MYH11: variants seen among roughly 807,000 people sequenced by gnomAD.
MYH11 encodes myosin-11.
In MYH11, 80 loss-of-function variants were observed where a neutral mutation model predicts 246.6. The ratio of observed to expected loss-of-function variants is 0.32; its 90% CI spans 0.27 to 0.39. MYH11 has a LOEUF of 0.39. MYH11 is among the 10% of genes least tolerant of loss of function. MYH11 has a pLI of 1.00. For synonymous variants in MYH11, 1,071 were observed against 1,015.5 expected (o/e 1.05, Z -1.04); for missense variants, 2,158 against 2,546.8 (o/e 0.85, Z 3.29).
chr16:15,800,253 T>G (rs2042848934), intron 3 of MYH11, among the ~76,000 whole-genome samples: 1 of 151,014 alleles, frequency 6.6e-6, no homozygotes, highest in African/African-American at 2.4e-5. Context: ...GATGGATAGG[T>G]AAATGGACGG....
chr16:15,836,064 A>C (rs1811818940), intron 2 of MYH11, among the ~76,000 whole-genome samples: 1 of 152,074 alleles, frequency 6.6e-6, no homozygotes, highest in Non-Finnish European at 1.5e-5. Flanking sequence ...AGAGGCTGGC[A>C]CTATTCTTGC....
rs188703989 is a variant in MYH11 at position 15,754,765 on chromosome 16, G to A, written c.1750-1257C>T. 9.2e-5 allele frequency among the ~76,000 whole-genome samples: 14 copies of A among 152,342 alleles called. No homozygotes were observed. The East Asian group carries it at 2.7e-3, about 29-fold the overall frequency. On this transcript the variant is annotated intron_variant, in intron 14 of 40. Coordinates refer to ENST00000300036, the MANE Select transcript of MYH11 (RefSeq NM_002474.3). Reference sequence around the variant, plus strand: ...TGCAACCTCCAACTTCCTGGGTCAAGCAGTTCTCTTGCCTCAGCCTCCTGA... The same window carrying A: ...TGCAACCTCCAACTTCCTGGGTCAAACAGTTCTCTTGCCTCAGCCTCCTGA...
In MYH11 at chr16:15,705,518, G is replaced by A. The variant is rs114610715; in HGVS notation, c.5787-1395C>T. Among the ~76,000 whole-genome samples, 463 of 152,262 alleles carry A rather than the reference G, an allele frequency of 3.0e-3. 1 individual carries two copies. Among genetic ancestry groups the A allele is most frequent in the African/African-American group, 0.011 (449 of 41,546 alleles). On this transcript the variant is annotated intron_variant, in intron 40 of 40. Coordinates refer to ENST00000300036, the MANE Select transcript of MYH11 (RefSeq NM_002474.3). ...AAACACTTAACTCTTTTCAGCAACC[G>A]CAACAAATAATTATGTTGGGCTCTG...
chr16:15,728,697 T>A (rs1426547816), intron 27 of MYH11, among the ~76,000 whole-genome samples: 5 of 151,758 alleles, frequency 3.3e-5, no homozygotes, highest in Non-Finnish European at 7.4e-5. Context: ...GTCAGGAGTT[T>A]GAGACCAGCC....
chr16:15,752,992 T>A (rs553784218), intron 15 of MYH11, among the ~76,000 whole-genome samples: 10 of 152,140 alleles, frequency 6.6e-5, no homozygotes, highest in Non-Finnish European at 1.2e-4. Flanking sequence ...TATTATTGCA[T>A]CTCCTGTTTT....
rs138407222 is a variant in MYH11, at chr16:15,838,091, C to T, written c.162G>A (p.Lys54=). The T allele has an allele frequency of 6.2e-7, 1 of 1,614,112 alleles. No homozygotes were observed. Among genetic ancestry groups the T allele is most frequent in the Non-Finnish European group, 8.5e-7 (1 of 1,180,016 alleles). ...GFEAASIKEE[K]GDEVVVELVE... Reference sequence around the variant, plus strand: ...CCAGCTCCACAACCACCTCATCCCCCTTCTCCTCCTTAATGCTGGCTGCCT... The same window carrying T: ...CCAGCTCCACAACCACCTCATCCCCTTTCTCCTCCTTAATGCTGGCTGCCT... Residue 54 remains lysine (K), a synonymous_variant, in exon 2 of 41, where the codon AAG becomes AAA. Coordinates refer to ENST00000300036, the MANE Select transcript of MYH11 (RefSeq NM_002474.3).
chr16:15,827,295 T>C (rs980237654), intron 2 of MYH11, among the ~76,000 whole-genome samples: 1 of 152,104 alleles, frequency 6.6e-6, no homozygotes, highest in Non-Finnish European at 1.5e-5. Flanking sequence ...TTGGGGGTGG[T>C]CAGGGAAACC....
At chr16:15,715,395 ATCAG>A (rs1479857093) in intron 38 of MYH11, 123 bp from the exon 39 acceptor site, 3 of 826,476 alleles carry the variant, frequency 3.6e-6, no homozygotes, top group Non-Finnish European at 4.1e-6. Context: ...CCTCTCAAGA[ATCAG>A]TCAGATGGTG....
intron 1 of MYH11, among the ~76,000 whole-genome samples, chr16:15,840,771 C>A (rs9923628): frequency 0.023 from 3,437 of 152,108 alleles, 134 homozygotes; most frequent in African/African-American, 0.076. Flanking sequence ...TCATTATGGA[C>A]CCCATGAACA....
chr16:15,762,125 C>T (rs1029597238), intron 10 of MYH11, among the ~76,000 whole-genome samples: 1 of 152,226 alleles, frequency 6.6e-6, no homozygotes, highest in East Asian at 1.9e-4. Context: ...CAGGCGCCTG[C>T]CACTACGCCT....
rs1410270945 is a variant in MYH11, at chr16:15,823,274, G to A, written c.483C>T (p.Ala161=). The A allele has an allele frequency of 4.3e-6, 7 of 1,614,096 alleles. No individual in the cohort carries two copies. The highest frequency in any genetic ancestry group is 5.1e-6 in the Non-Finnish European group (6 of 1,180,056). The change falls in exon 3 of 41, where the codon GCC becomes GCT. Residue 161 remains alanine, a synonymous_variant. Transcript: ENST00000300036. ...PPHIYAIADT[A]YRSMLQDRED... ...ACTCACCTTGAAGCATGCTCCGGTAGGCCGTGTCTGCGATGGCGTAGATGT... is the reference window on the plus strand; with the variant it reads ...ACTCACCTTGAAGCATGCTCCGGTAAGCCGTGTCTGCGATGGCGTAGATGT...
chr16:15,804,351 G>A (rs781281040), intron 3 of MYH11, among the ~76,000 whole-genome samples: 5 of 152,110 alleles, frequency 3.3e-5, no homozygotes, highest in South Asian at 2.1e-4. Flanking sequence ...GCAAAACCCC[G>A]TCTCTACCAA....
intron 1 of MYH11, among the ~76,000 whole-genome samples, chr16:15,853,815 C>T (rs867197213): frequency 1.2e-4 from 18 of 152,170 alleles, no homozygotes; most frequent in African/African-American, 3.9e-4. Flanking sequence ...TTGAGGTCAG[C>T]GGTTCGAGAC....
At chr16:15,748,942 G>C in intron 16 of MYH11, among the ~76,000 whole-genome samples, 1 of 151,872 alleles carries the variant, frequency 6.6e-6, no homozygotes, top group Non-Finnish European at 1.5e-5. Context: ...TTCCTAAAAT[G>C]TAAATCTGAC....
intron 40 of MYH11, among the ~76,000 whole-genome samples, chr16:15,709,592 G>A (rs900809898): frequency 3.3e-5 from 5 of 152,192 alleles, no homozygotes; most frequent in African/African-American, 1.2e-4. Context: ...TGGGATTACA[G>A]GTGTGAGCCA....
chr16:15,719,097 C>T (rs1200346573), intron 36 of MYH11, 123 bp downstream of exon 36: 5 of 962,110 alleles, frequency 5.2e-6, no homozygotes, highest in Non-Finnish European at 6.4e-6. Context: ...CACTGCCCTC[C>T]AGCCTGGGTG....
chr16:15,804,839 T>C (rs2042972308), intron 3 of MYH11, among the ~76,000 whole-genome samples: 1 of 152,260 alleles, frequency 6.6e-6, no homozygotes, highest in Admixed American at 6.5e-5. Flanking sequence ...TCCCAGACTT[T>C]ATGCCTATTT....
chr16:15,816,350 T>G (rs2043262700), intron 3 of MYH11, among the ~76,000 whole-genome samples: 1 of 152,074 alleles, frequency 6.6e-6, no homozygotes, highest in Non-Finnish European at 1.5e-5. Context: ...AAAAGGAGAT[T>G]AACACATTTA....
At chr16:15,850,623 A>G (rs1189089440) in intron 1 of MYH11, among the ~76,000 whole-genome samples, 1 of 152,072 alleles carries the variant, frequency 6.6e-6, no homozygotes, top group African/African-American at 2.4e-5. Context: ...AGGGTTCAGC[A>G]CTGTGGCTCA....
Sources: gnomAD v4.1 joint callset for allele counts (sites outside exome capture counted in the v4.1 genomes callset) on GRCh38, gnomAD v4.1.1 for gene constraint, MANE v1.5 for transcripts, NCBI Gene and HGNC (gene_info 2026-07-23, HGNC 2026-07-21) for gene names.